Variants in TMEM74 observed in about 807,000 individuals in gnomAD.
The protein encoded by TMEM74 is transmembrane protein 74.
A neutral mutation model predicts 18.1 loss-of-function variants in TMEM74; 13 were observed. The observed-to-expected ratio is 0.72, with a 90% CI of 0.47 to 1.14. TMEM74 has a LOEUF of 1.14. TMEM74 is among the 50% of genes most tolerant of loss of function. The pLI is 0.00. For missense variants in TMEM74, 372 were observed against 375.9 expected (o/e 0.99, Z 0.09); for synonymous variants, 159 against 146.6 (o/e 1.08, Z -0.61).
intron 1 of TMEM74, among the ~76,000 whole-genome samples, chr8:108,684,954 T>C (rs1241835566): frequency 2.0e-5 from 3 of 152,112 alleles, no homozygotes; most frequent in East Asian, 3.8e-4. Flanking sequence ...TAGGAGTTTT[T>C]TCTATGTCTG....
At chr8:108,613,331 C>T (rs962379773) in intron 2 of TMEM74, among the ~76,000 whole-genome samples, 2 of 152,202 alleles carry the variant, frequency 1.3e-5, no homozygotes, top group Non-Finnish European at 2.9e-5. Flanking sequence ...ACTCACCCTG[C>T]CAAACCTCTG....
At chr8:108,645,812 A>G (rs748151986) in intron 2 of TMEM74, among the ~76,000 whole-genome samples, 10 of 152,140 alleles carry the variant, frequency 6.6e-5, no homozygotes, top group Non-Finnish European at 1.0e-4. Context: ...CCCCATCCCC[A>G]GGAATCTGGT....
At chr8:108,639,825 T>C (rs756579597) in intron 2 of TMEM74, among the ~76,000 whole-genome samples, 2 of 152,104 alleles carry the variant, frequency 1.3e-5, no homozygotes, top group Non-Finnish European at 2.9e-5. Flanking sequence ...GGGAGAGAGA[T>C]ATTGTCTTCA....
At position 108,764,924 on chromosome 8, in the gene TMEM74, T is replaced by A. The variant is rs148584400; in HGVS notation, n.119+22552A>T. ...TCATTATCCAGCTGCAGAAAATCCA[T>A]AAGAACTCAATGAAGCTGAGTTTAT... On this transcript the variant is annotated intron_variant and non_coding_transcript_variant, in intron 1 of 3. Transcript: ENST00000518838. 8.6e-4 allele frequency among the ~76,000 whole-genome samples: 131 copies of A among 152,322 alleles called. 1 individual carries two copies. Among genetic ancestry groups the A allele is most frequent in the African/African-American group, 2.8e-3 (116 of 41,566 alleles).
chr8:108,642,141 G>A (rs896607900), intron 2 of TMEM74, among the ~76,000 whole-genome samples: 4 of 152,094 alleles, frequency 2.6e-5, no homozygotes, highest in African/African-American at 4.8e-5. Flanking sequence ...GCTCATGCCT[G>A]TAATTCTAGC....
chr8:108,616,313 A>G (rs1470485609), intron 2 of TMEM74, among the ~76,000 whole-genome samples: 3 of 152,200 alleles, frequency 2.0e-5, no homozygotes, highest in Admixed American at 2.0e-4. Flanking sequence ...ATGTCAAAGT[A>G]AACAAATAAA....
intron 1 of TMEM74, among the ~76,000 whole-genome samples, chr8:108,766,890 T>C (rs1814114498): frequency 6.6e-6 from 1 of 152,154 alleles, no homozygotes; most frequent in African/African-American, 2.4e-5. Context: ...GTGTGATGTT[T>C]GAGGGCAGGA....
At chr8:108,612,146 A>G (rs1812340390) in intron 2 of TMEM74, among the ~76,000 whole-genome samples, 2 of 152,068 alleles carry the variant, frequency 1.3e-5, no homozygotes, top group Non-Finnish European at 2.9e-5. Context: ...GGGAGCTACA[A>G]TTCAAGATGA....
Position 108,683,919 on chromosome 8 carries a change from A to C in TMEM74, n.120-28482T>G, listed in dbSNP as rs183477071. 1.4e-3 allele frequency among the ~76,000 whole-genome samples: 215 copies of C among 152,206 alleles called. 1 individual carries two copies. Among genetic ancestry groups the C allele is most frequent in the Middle Eastern group, 6.8e-3 (2 of 294 alleles). The stretch of plus-strand genomic sequence containing the variant: ...ATCTCAGTTCCATCCATGCTGCTGC[A>C]AGTGACAGAATTTCATTCTTTTTTA... On this transcript the variant is annotated intron_variant and non_coding_transcript_variant, in intron 1 of 3. Transcript: ENST00000518838.
At chr8:108,685,616 G>T (rs1244361759) in intron 1 of TMEM74, among the ~76,000 whole-genome samples, 1 of 152,040 alleles carries the variant, frequency 6.6e-6, no homozygotes. Context: ...TCAAAATAAG[G>T]GTGCCTAATT....
chr8:108,639,985 C>T (rs909467953), intron 2 of TMEM74, among the ~76,000 whole-genome samples: 2 of 152,100 alleles, frequency 1.3e-5, no homozygotes, highest in African/African-American at 4.8e-5. Context: ...TCTTTGATAT[C>T]ACCACGCAGG....
chr8:108,682,313 C>A (rs1309942146), intron 1 of TMEM74, among the ~76,000 whole-genome samples: 1 of 152,016 alleles, frequency 6.6e-6, no homozygotes, highest in African/African-American at 2.4e-5. Flanking sequence ...TTTTACCTAC[C>A]TAACATCTAT....
At chr8:108,764,752 C>G (rs1405491183) in intron 1 of TMEM74, among the ~76,000 whole-genome samples, 1 of 152,142 alleles carries the variant, frequency 6.6e-6, no homozygotes, top group Non-Finnish European at 1.5e-5. Context: ...AGCTCTTCTT[C>G]CAGCTCATCC....
chr8:108,721,793 CCTTT>C (rs1186706612), intron 1 of TMEM74, among the ~76,000 whole-genome samples: 4 of 152,230 alleles, frequency 2.6e-5, no homozygotes, highest in African/African-American at 4.8e-5. Flanking sequence ...TGCAATTCTT[CCTTT>C]CTGTTTCTCC....
At chr8:108,714,257 ATG>A (rs1813501621) in intron 1 of TMEM74, among the ~76,000 whole-genome samples, 1 of 152,252 alleles carries the variant, frequency 6.6e-6, no homozygotes, top group Admixed American at 6.5e-5. Context: ...CAAGGTAAAA[ATG>A]TATAGATATT....
chr8:108,657,904 T>TATATATATA (rs1563742387), intron 1 of TMEM74, among the ~76,000 whole-genome samples: 10 of 109,828 alleles, frequency 9.1e-5, no homozygotes, highest in Non-Finnish European at 1.3e-4. Flanking sequence ...ATATATATAT[T>TATATATATA]AATTACATAT....
chr8:108,696,079 C>T (rs1461421724), intron 1 of TMEM74, among the ~76,000 whole-genome samples: 2 of 152,146 alleles, frequency 1.3e-5, no homozygotes, highest in East Asian at 1.9e-4. Flanking sequence ...AAAAGTATGA[C>T]ATTTTCCAAT....
At chr8:108,712,787 C>A (rs1449783873) in intron 1 of TMEM74, among the ~76,000 whole-genome samples, 2 of 151,974 alleles carry the variant, frequency 1.3e-5, no homozygotes, top group African/African-American at 2.4e-5. Context: ...CAACTAAAAC[C>A]AGGAATCTAT....
chr8:108,770,528 G>A (rs1814159884), intron 1 of TMEM74, among the ~76,000 whole-genome samples: 1 of 152,144 alleles, frequency 6.6e-6, no homozygotes, highest in East Asian at 1.9e-4. Flanking sequence ...ATGCCATCTA[G>A]CTTCCACATA....
Sources: allele counts gnomAD v4.1 joint callset (sites outside exome capture counted in the v4.1 genomes callset), GRCh38; gene constraint gnomAD v4.1.1; transcripts MANE v1.5; gene names NCBI Gene and HGNC (gene_info 2026-07-23, HGNC 2026-07-21).